The following UBAC2 variants were observed in gnomAD, a reference collection of about 807,000 sequenced individuals.
The protein encoded by UBAC2 is UBA domain containing 2.
In UBAC2, 26 loss-of-function variants were observed where a neutral mutation model predicts 44.0. The observed-to-expected ratio is 0.59, with a 90% confidence interval of 0.43 to 0.82. The LOEUF (loss-of-function observed/expected upper bound fraction) is 0.82, where lower values mean the gene tolerates loss of function less well. Among genes scored for constraint, UBAC2 ranks in the 40% least tolerant of loss-of-function variants. UBAC2 has a pLI of 0.00. For missense variants in UBAC2, 329 were observed against 419.4 expected, an observed-to-expected ratio of 0.78 and a Z score of 1.88; for synonymous variants, 155 against 154.3, an observed-to-expected ratio of 1.00 and a Z score of -0.04.
chr13:99,242,450 C>CG (rs1298193028), intron 2 of UBAC2, among the ~76,000 whole-genome samples: 1 of 134,960 alleles, frequency 7.4e-6, no homozygotes, highest in South Asian at 2.5e-4. Context: ...GCTGGCCGGG[C>CG]GGGGGGCTGA....
chr13:99,377,956 C>CAGCAT (rs2045502912), intron 8 of UBAC2, among the ~76,000 whole-genome samples: 1 of 152,246 alleles, frequency 6.6e-6, no homozygotes, highest in Non-Finnish European at 1.5e-5. Flanking sequence ...AGACCTAAGA[C>CAGCAT]AGCATGCAGC....
At chr13:99,292,389 G>T (rs188362346) in intron 4 of UBAC2, among the ~76,000 whole-genome samples, 1,710 of 151,606 alleles carry the variant, frequency 0.011, 43 homozygotes, top group African/African-American at 0.039. Flanking sequence ...TGATTCACCC[G>T]CCTCGGCCTC....
chr13:99,208,854 C>T (rs756009692), intron 1 of UBAC2, among the ~76,000 whole-genome samples: 5 of 152,298 alleles, frequency 3.3e-5, no homozygotes, highest in South Asian at 4.1e-4. Context: ...CAGAGACTCC[C>T]GACTTCTATC....
At chr13:99,369,876 C>T (rs911337769) in intron 8 of UBAC2, among the ~76,000 whole-genome samples, 3 of 152,124 alleles carry the variant, frequency 2.0e-5, no homozygotes, top group Admixed American at 6.6e-5. Context: ...TAACTTTGAT[C>T]GTAAGGGAAA....
chr13:99,331,518 G>A (rs2044715699), intron 6 of UBAC2, among the ~76,000 whole-genome samples: 1 of 152,028 alleles, frequency 6.6e-6, no homozygotes, highest in African/African-American at 2.4e-5. Context: ...ATTTTAATTG[G>A]GTACCTCAAA....
intron 4 of UBAC2, chr13:99,255,620 C>T (rs1243627012): frequency 1.2e-6 from 2 of 1,614,120 alleles, no homozygotes; most frequent in East Asian, 4.5e-5. Context: ...GGCCATTCAT[C>T]TTTTGCATAA....
At chr13:99,243,783 C>G (rs373025732) in intron 2 of UBAC2, 49 bp from the exon 3 acceptor site, 2 of 1,529,842 alleles carry the variant, frequency 1.3e-6, no homozygotes, top group South Asian at 1.2e-5. Flanking sequence ...GGAAGAGACC[C>G]GAACAAATTT....
At chr13:99,360,101 T>G (rs994778343) in intron 7 of UBAC2, among the ~76,000 whole-genome samples, 3 of 146,368 alleles carry the variant, frequency 2.0e-5, no homozygotes, top group Non-Finnish European at 1.5e-5. Flanking sequence ...TGTTCTCCAT[T>G]TTACTCTTTT....
intron 1 of UBAC2, among the ~76,000 whole-genome samples, chr13:99,230,280 A>T (rs1384861111): frequency 6.6e-6 from 1 of 152,104 alleles, no homozygotes; most frequent in African/African-American, 2.4e-5. Flanking sequence ...CCTGGGCAAC[A>T]TGGCAAAACC....
chr13:99,352,458 G>A (rs2045108271), intron 7 of UBAC2, among the ~76,000 whole-genome samples: 2 of 152,090 alleles, frequency 1.3e-5, no homozygotes, highest in Admixed American at 1.3e-4. Context: ...GGCTTCTTTC[G>A]CTGAGCTTCA....
At chr13:99,296,918 A>G (rs1326935024) in intron 4 of UBAC2, among the ~76,000 whole-genome samples, 6 of 152,306 alleles carry the variant, frequency 3.9e-5, no homozygotes, top group African/African-American at 1.4e-4. Context: ...CATGCAATCT[A>G]TACTTCTACC....
intron 7 of UBAC2, among the ~76,000 whole-genome samples, chr13:99,364,388 CATT>C (rs1293293853): frequency 1.3e-5 from 2 of 149,294 alleles, no homozygotes; most frequent in African/African-American, 2.5e-5. Context: ...ATTTTGAAAA[CATT>C]GTTGGATTGA....
intron 4 of UBAC2, among the ~76,000 whole-genome samples, chr13:99,279,243 A>G (rs1300196428): frequency 5.9e-5 from 9 of 152,008 alleles, no homozygotes; most frequent in African/African-American, 1.9e-4. Flanking sequence ...CGGGGATTTT[A>G]GTAAATAAAT....
chr13:99,380,505 A>G (rs1395626370), intron 8 of UBAC2, among the ~76,000 whole-genome samples: 1 of 152,134 alleles, frequency 6.6e-6, no homozygotes, highest in African/African-American at 2.4e-5. Context: ...TATATGGTGA[A>G]CCTCTGAAAC....
chr13:99,374,170 A>G (rs964661677), intron 8 of UBAC2, among the ~76,000 whole-genome samples: 3 of 152,258 alleles, frequency 2.0e-5, no homozygotes, highest in Non-Finnish European at 2.9e-5. Flanking sequence ...AGAAGGAAAC[A>G]GAGCAATAGA....
chr13:99,327,484 C>CTG (rs59174527), intron 6 of UBAC2, among the ~76,000 whole-genome samples: 16,167 of 150,864 alleles, frequency 0.11, 920 homozygotes, highest in South Asian at 0.26. Context: ...CTCTCTCTCT[C>CTG]TGTGTGTGTG....
chr13:99,248,388 A>ATTTTT (rs35640725), intron 4 of UBAC2, among the ~76,000 whole-genome samples: 1 of 130,144 alleles, frequency 7.7e-6, no homozygotes, highest in African/African-American at 2.9e-5. Flanking sequence ...TGCCCACCTA[A>ATTTTT]TTTTTTTTTT....
At chr13:99,364,000 G>A (rs2045298810) in intron 7 of UBAC2, among the ~76,000 whole-genome samples, 1 of 152,064 alleles carries the variant, frequency 6.6e-6, no homozygotes, top group Admixed American at 6.5e-5. Context: ...TCAATAGAGG[G>A]AATGTTACTT....
At chr13:99,306,780 A>T (rs2044343068) in intron 4 of UBAC2, among the ~76,000 whole-genome samples, 2 of 152,196 alleles carry the variant, frequency 1.3e-5, no homozygotes, top group African/African-American at 4.8e-5. Flanking sequence ...TTTAGCATTT[A>T]AAAAGCAAAG....
Sources: allele counts gnomAD v4.1 joint callset (sites outside exome capture counted in the v4.1 genomes callset), GRCh38; gene constraint gnomAD v4.1.1; transcripts MANE v1.5; gene names NCBI Gene and HGNC (gene_info 2026-07-23, HGNC 2026-07-21).